MINDY2: variants seen among roughly 807,000 people sequenced by gnomAD.
MINDY2 encodes MINDY lysine 48 deubiquitinase 2.
Under a neutral mutation model 68.2 loss-of-function variants are expected in MINDY2, and 52 were observed. The observed-to-expected ratio is 0.76, with a 90% confidence interval of 0.61 to 0.96. The LOEUF (loss-of-function observed/expected upper bound fraction) is 0.96. Among genes scored for constraint, MINDY2 ranks in the 40% least tolerant of loss-of-function variants. The pLI, the probability that MINDY2 is intolerant of heterozygous loss-of-function variation, is 0.00. For missense variants in MINDY2, 881 were observed against 773.4 expected (o/e 1.14, Z -1.65); for synonymous variants, 372 against 303.0 (o/e 1.23, Z -2.36).
At chr15:58,783,960 C>T (rs1901321282) in intron 1 of MINDY2, among the ~76,000 whole-genome samples, 2 of 151,832 alleles carry the variant, frequency 1.3e-5, no homozygotes, top group African/African-American at 4.8e-5. Flanking sequence ...GAGGTTTTAC[C>T]TTATAATGGA....
intron 7 of MINDY2, among the ~76,000 whole-genome samples, chr15:58,849,462 G>A (rs902806397): frequency 2.0e-5 from 3 of 152,038 alleles, no homozygotes; most frequent in African/African-American, 4.8e-5. Flanking sequence ...CCAAGATGAC[G>A]CCACTGCACT....
At chr15:58,839,659 A>G (rs1177143289) in intron 6 of MINDY2, among the ~76,000 whole-genome samples, 3 of 152,024 alleles carry the variant, frequency 2.0e-5, no homozygotes, top group African/African-American at 4.8e-5. Context: ...GTGATCCTCT[A>G]TACACCAAAG....
At chr15:58,836,825 G>T (rs1441869721) in intron 6 of MINDY2, among the ~76,000 whole-genome samples, 2 of 151,876 alleles carry the variant, frequency 1.3e-5, no homozygotes, top group Non-Finnish European at 2.9e-5. Context: ...TCCCTGTGTT[G>T]CCCAAATTGG....
intron 2 of MINDY2, among the ~76,000 whole-genome samples, chr15:58,801,609 G>A (rs1475585103): frequency 3.3e-5 from 5 of 151,952 alleles, no homozygotes; most frequent in Admixed American, 6.6e-5. Context: ...ATAAAAACTC[G>A]TATATAAAAA....
intron 2 of MINDY2, among the ~76,000 whole-genome samples, chr15:58,798,615 C>G (rs1902441246): frequency 6.6e-6 from 1 of 151,996 alleles, no homozygotes; most frequent in African/African-American, 2.4e-5. Flanking sequence ...GCCACCACAC[C>G]CAGCTAATTT....
chr15:58,821,195 A>T (rs756867485), intron 4 of MINDY2, among the ~76,000 whole-genome samples: 1 of 151,804 alleles, frequency 6.6e-6, no homozygotes, highest in Non-Finnish European at 1.5e-5. Context: ...GGAAAATAAC[A>T]TTAGTTATCT....
chr15:58,826,404 T>C (rs1210468208), intron 5 of MINDY2, among the ~76,000 whole-genome samples: 1 of 152,004 alleles, frequency 6.6e-6, no homozygotes, highest in Non-Finnish European at 1.5e-5. Flanking sequence ...TAATTTTGTA[T>C]TTTTAGTAGA....
chr15:58,839,675 T>C (rs1253601131), intron 6 of MINDY2, among the ~76,000 whole-genome samples: 1 of 152,048 alleles, frequency 6.6e-6, no homozygotes, highest in Admixed American at 6.6e-5. Flanking sequence ...CAAAGTGGTG[T>C]TTAAAGGACC....
At chr15:58,810,095 CAATAAT>C in intron 3 of MINDY2, 129 bp from the exon 4 acceptor site, 1 of 794,232 alleles carries the variant, frequency 1.3e-6, no homozygotes, top group Non-Finnish European at 2.0e-6. Context: ...AGTAGATACT[CAATAAT>C]AAAAATATGT....
intron 3 of MINDY2, among the ~76,000 whole-genome samples, chr15:58,803,484 G>A (rs75735558): frequency 2.9e-5 from 4 of 139,452 alleles, no homozygotes; most frequent in African/African-American, 6.0e-5. Context: ...AAAAAAAAAA[G>A]AAGAAGAATC....
At chr15:58,831,041 GTATA>G (rs61211927) in intron 5 of MINDY2, among the ~76,000 whole-genome samples, 6 of 124,892 alleles carry the variant, frequency 4.8e-5, no homozygotes, top group African/African-American at 6.9e-5. Flanking sequence ...GTGTGTGTGT[GTATA>G]TATATATATA....
chr15:58,771,561 G>T lies in MINDY2; in HGVS notation c.166G>T (p.Ala56Ser). The change falls in exon 1 of 9, where the codon GCG becomes TCG. Residue 56 changes from alanine (A) to serine (S), a missense_variant. Coordinates refer to ENST00000559228, the MANE Select transcript of MINDY2 (RefSeq NM_001040450.3). ...GACCAGCGGCGGGAATGGGCTGGGGGCGGCGGCCGCCAGGAGGAGCCTCCC... is the reference window on the plus strand; with the variant it reads ...GACCAGCGGCGGGAATGGGCTGGGGTCGGCGGCCGCCAGGAGGAGCCTCCC... ...AETSGGNGLG[A>S]AAARRSLPDS... 6.2e-7 allele frequency: 1 copy of T among 1,611,230 alleles called. No homozygotes were observed. The highest frequency in any genetic ancestry group is 8.5e-7 in the Non-Finnish European group (1 of 1,179,516).
chr15:58,831,662 TATTATA>T, intron 5 of MINDY2, 106 bp from the exon 6 acceptor site: 1 of 877,442 alleles, frequency 1.1e-6, no homozygotes, highest in Non-Finnish European at 1.7e-6. Flanking sequence ...GTAGGGAAAG[TATTATA>T]ATTATTGGCC....
At chr15:58,819,642 C>T (rs901439698) in intron 4 of MINDY2, among the ~76,000 whole-genome samples, 1 of 152,082 alleles carries the variant, frequency 6.6e-6, no homozygotes, top group Non-Finnish European at 1.5e-5. Flanking sequence ...GCCACCACAC[C>T]CAACTTAGTG....
chr15:58,842,057 T>C (rs1421392697), intron 6 of MINDY2, among the ~76,000 whole-genome samples: 2 of 152,146 alleles, frequency 1.3e-5, no homozygotes, highest in Middle Eastern at 3.4e-3. Flanking sequence ...ATAGCCCCTG[T>C]CTAGATCACA....
At chr15:58,804,650 A>G (rs1469232914) in intron 3 of MINDY2, among the ~76,000 whole-genome samples, 9 of 151,964 alleles carry the variant, frequency 5.9e-5, no homozygotes, top group African/African-American at 2.2e-4. Context: ...TACAAAAAAT[A>G]CAAAACGTTT....
chr15:58,818,548 A>G (rs79391556), intron 4 of MINDY2, among the ~76,000 whole-genome samples: 3,163 of 151,864 alleles, frequency 0.021, 108 homozygotes, highest in African/African-American at 0.07. Flanking sequence ...GAGCCACTAC[A>G]CCTGGCCTTG....
intron 1 of MINDY2, among the ~76,000 whole-genome samples, chr15:58,777,465 C>T (rs996886966): frequency 2.6e-5 from 4 of 151,972 alleles, no homozygotes; most frequent in African/African-American, 9.7e-5. Context: ...AGAGAGTAGG[C>T]GATCATTCAT....
chr15:58,839,836 T>A (rs2032190387), intron 6 of MINDY2, among the ~76,000 whole-genome samples: 1 of 151,318 alleles, frequency 6.6e-6, no homozygotes, highest in Non-Finnish European at 1.5e-5. Flanking sequence ...TATCTTTTTT[T>A]TTTTTTTTCT....
Sources: gnomAD v4.1 joint callset for allele counts (sites outside exome capture counted in the v4.1 genomes callset) on GRCh38, gnomAD v4.1.1 for gene constraint, MANE v1.5 for transcripts, NCBI Gene and HGNC (gene_info 2026-07-23, HGNC 2026-07-21) for gene names.